Variants in VEGFA observed in about 807,000 individuals in gnomAD.
The protein encoded by VEGFA is vascular endothelial growth factor A, also known as vascular endothelial growth factor A, long form.
In VEGFA, 20 loss-of-function variants were observed where a neutral mutation model predicts 49.7. The observed-to-expected ratio is 0.40, with a 90% CI of 0.28 to 0.58. The LOEUF (loss-of-function observed/expected upper bound fraction) is 0.58, where lower values mean the gene tolerates loss of function less well. Among genes scored for constraint, VEGFA ranks in the 20% least tolerant of loss-of-function variants. The pLI is 0.40. For synonymous variants in VEGFA, 219 were observed against 223.4 expected (o/e 0.98, Z 0.18); for missense variants, 505 against 553.5 (o/e 0.91, Z 0.88).
intron 7 of VEGFA, chr6:43,782,992 G>A (rs2128055857): frequency 6.6e-6 from 1 of 152,280 alleles, no homozygotes; most frequent in East Asian, 1.9e-4. Context: ...GTAAGCCCGG[G>A]CCTCGTTTAC....
intron 1 of VEGFA, 108 bp from the exon 2 acceptor site, chr6:43,774,233 A>C (rs1009381022): frequency 1.6e-6 from 2 of 1,217,972 alleles, no homozygotes; most frequent in African/African-American, 1.5e-5. Flanking sequence ...TGGAGAAGCC[A>C]GAGGCTGTTG....
At chr6:43,771,384 G>T in intron 1 of VEGFA, 72 bp downstream of exon 1, 9 of 1,507,456 alleles carry the variant, frequency 6.0e-6, no homozygotes, top group Non-Finnish European at 8.0e-6. Flanking sequence ...GTGCGTGCGA[G>T]CGCGCGCGTG....
In VEGFA at chr6:43,777,951, GGA is replaced by G. The variant is rs941614686; in HGVS notation, c.855+292_855+293del. ...TCAGGAGCCCCTCTCTCCCTCTCTT[GGA>G]GAGAGTCCTGAGTGCCCCCCCTTCT... On this transcript the variant is annotated intron_variant, in intron 3 of 7. Transcript: ENST00000672860. The surrounding 1 kb of genome is among the most constrained non-coding windows in gnomAD (Gnocchi z 4.3). 3.9e-6 allele frequency: 2 copies of G among 519,054 alleles called. No homozygotes were observed. The highest frequency in any genetic ancestry group is 7.0e-6 in the Non-Finnish European group (2 of 287,390). 32.2% of individuals were successfully genotyped at this position (519,054 alleles called of 1,614,324 possible).
chr6:43,772,021 C>T, intron 1 of VEGFA: 1 of 985,356 alleles, frequency 1.0e-6, no homozygotes, highest in South Asian at 4.7e-5. Context: ...CCCGGAGCCT[C>T]GGCTGCCCGA....
rs551692177 is a variant in VEGFA, at chr6:43,784,859, G to A, written c.*297G>A. On this transcript the variant is annotated 3_prime_UTR_variant, in exon 8 of 8. Transcript: ENST00000672860. ...TTCTTGCTGCTAAATCACCGAGCCCGGAAGATTAGAGAGTTTTATTTCTGG... is the reference window on the plus strand; with the variant it reads ...TTCTTGCTGCTAAATCACCGAGCCCAGAAGATTAGAGAGTTTTATTTCTGG... The A allele has an allele frequency of 1.2e-3, 675 of 573,968 alleles. No individual in the cohort carries two copies. The highest frequency in any genetic ancestry group is 1.4e-3 in the Non-Finnish European group (464 of 320,648). 35.6% of individuals were successfully genotyped at this position (573,968 alleles called of 1,614,324 possible).
rs138551969 is a variant in VEGFA, at chr6:43,780,749, A to G, written c.980A>G (p.Lys327Arg). 17 of 1,613,920 alleles carry G rather than the reference A, an allele frequency of 1.1e-5. No homozygotes were observed. The African/African-American group carries it at 1.6e-4, about 15-fold the overall frequency. ...TTTTCCAGAAAATCAGTTCGAGGAA[A>G]GGGAAAGGGGCAAAAACGAAAGCGC... The change falls in exon 6 of 8, where the codon AAG (lysine) becomes AGG (arginine). Residue 327 changes from lysine (K) to arginine (R), a missense_variant. Lys to Arg is a conservative substitution (Grantham distance 26, BLOSUM62 2). Around this residue, in one of 2 missense-constraint regions of VEGFA, gnomAD observed 165 missense variants for 231.7 expected, o/e 0.71. Transcript: ENST00000672860.
At chr6:43,774,664 G>A (rs1561986049) in intron 2 of VEGFA, 3 of 554,242 alleles carry the variant, frequency 5.4e-6, no homozygotes, top group Non-Finnish European at 9.8e-6. Flanking sequence ...TGCGCACAGA[G>A]CAGGAAGACA....
At chr6:43,779,956 C>T (rs562426609) in intron 5 of VEGFA, 14 of 291,274 alleles carry the variant, frequency 4.8e-5, no homozygotes, top group African/African-American at 1.1e-4. Flanking sequence ...CGCCTGGGCT[C>T]GGAAGAGTGT....
chr6:43,779,848 C>T (rs1166905982), intron 5 of VEGFA: 3 of 394,742 alleles, frequency 7.6e-6, no homozygotes, highest in South Asian at 3.7e-5. Context: ...GCTTGGCAGG[C>T]ATGGAGAGCT....
chr6:43,780,170 G>A (rs1766960110), intron 5 of VEGFA: 1 of 212,748 alleles, frequency 4.7e-6, no homozygotes. Flanking sequence ...AGCTCCCAAG[G>A]TAGCCGCTTC....
chr6:43,772,250 C>G (rs1763865652), intron 1 of VEGFA: 1 of 183,372 alleles, frequency 5.5e-6, no homozygotes, highest in South Asian at 1.8e-4. Context: ...CCTGTCACCC[C>G]GCTTATTTTC....
intron 3 of VEGFA, 110 bp from the exon 4 acceptor site, chr6:43,778,350 C>A: frequency 1.1e-6 from 1 of 919,602 alleles, no homozygotes; most frequent in East Asian, 2.6e-5. Context: ...ACCACCCATC[C>A]CTGCTCTGCA....
At chr6:43,780,486 G>C in intron 5 of VEGFA, 1 of 551,268 alleles carries the variant, frequency 1.8e-6, no homozygotes. Context: ...GTCAGGGGCT[G>C]GGTTTGCCAT....
At position 43,780,113 on chromosome 6, in the gene VEGFA, A is replaced by G. The variant is rs540704944; in HGVS notation, c.963-619A>G. 5 of 205,834 alleles carry G rather than the reference A, an allele frequency of 2.4e-5. No individual in the cohort carries two copies. The East Asian group carries it at 3.7e-4, about 15-fold the overall frequency. 12.8% of individuals were successfully genotyped at this position (205,834 alleles called of 1,614,324 possible). On this transcript the variant is annotated intron_variant, in intron 5 of 7. Transcript: ENST00000672860. Reference sequence around the variant, plus strand: ...TCCAGGACACCCAGCCCTGCCTCCCAGTCCAGGTCGTGCTGAGCAGGCTGG... The same window carrying G: ...TCCAGGACACCCAGCCCTGCCTCCCGGTCCAGGTCGTGCTGAGCAGGCTGG...
At position 43,780,591 on chromosome 6, in the gene VEGFA, C is replaced by G. The variant is rs547671093; in HGVS notation, c.963-141C>G. ...CCCGCGCATGCCTCCCCAGAGACCA[C>G]CTGCCTCCTGACACTTCCTCCGGGA... is the stretch of plus-strand genomic sequence containing the variant. On this transcript the variant is annotated intron_variant, in intron 5 of 7. Coordinates refer to ENST00000672860, the MANE Select transcript of VEGFA (RefSeq NM_003376.6). 1,169 of 1,268,374 alleles carry G rather than the reference C, an allele frequency of 9.2e-4. 2 individuals carry two copies. The highest frequency in any genetic ancestry group is 1.2e-3 in the Non-Finnish European group (1,090 of 902,962). 78.6% of individuals were successfully genotyped at this position (1,268,374 alleles called of 1,614,324 possible).
chr6:43,777,979 T>G lies in VEGFA; in HGVS notation c.855+314T>G. 2 of 464,334 alleles carry G rather than the reference T, an allele frequency of 4.3e-6. No individual in the cohort carries two copies. Among genetic ancestry groups the G allele is most frequent in the Non-Finnish European group, 7.9e-6 (2 of 254,760 alleles). The allele number at this position is 464,334 out of a possible 1,614,324, so 28.8% of individuals were successfully genotyped here. On this transcript the variant is annotated intron_variant, in intron 3 of 7. Coordinates refer to ENST00000672860, the MANE Select transcript of VEGFA (RefSeq NM_003376.6). This position sits in a 1 kb window ranked among gnomAD's most constrained non-coding sequence, Gnocchi z 4.3. The stretch of plus-strand genomic sequence containing the variant: ...GAGAGTCCTGAGTGCCCCCCCTTCT[T>G]GGGGGCTTTGTTTGGGAAGCTGGAT...
At chr6:43,774,705 T>G in intron 2 of VEGFA, 1 of 498,524 alleles carries the variant, frequency 2.0e-6, no homozygotes, top group Non-Finnish European at 3.7e-6. Context: ...TTGGGGGAAG[T>G]GTCCCTTGTT....
rs1763248727 is a variant in VEGFA at position 43,770,597 on chromosome 6, G to A, written c.-110G>A. 2 of 1,423,204 alleles carry A rather than the reference G, an allele frequency of 1.4e-6. No homozygotes were observed. Among genetic ancestry groups the A allele is most frequent in the South Asian group, 1.5e-5 (1 of 68,150 alleles). 88.2% of individuals were successfully genotyped at this position (1,423,204 alleles called of 1,614,324 possible). On this transcript the variant is annotated 5_prime_UTR_variant, in exon 1 of 8. The change creates a new upstream start codon in the 5' untranslated region. Coordinates refer to ENST00000672860, the MANE Select transcript of VEGFA (RefSeq NM_003376.6). Reference sequence around the variant, plus strand: ...ACGGGGTCAGAGAGAGCGCGCGGGCGTGCGAGCAGCGAAAGCGACAGGGGC... The same window carrying A: ...ACGGGGTCAGAGAGAGCGCGCGGGCATGCGAGCAGCGAAAGCGACAGGGGC...
In VEGFA at chr6:43,770,360, G is replaced by C. The variant is rs568655808; in HGVS notation, c.-347G>C. 5.9e-5 allele frequency: 19 copies of C among 321,172 alleles called. No individual in the cohort carries two copies. The East Asian group carries it at 8.4e-4, about 14-fold the overall frequency. 19.9% of individuals were successfully genotyped at this position (321,172 alleles called of 1,614,324 possible). ...GCTGGAATTTGATATTCATTGATCC[G>C]GGTTTTATCCCTCTTCTTTTTTCTT... On this transcript the variant is annotated 5_prime_UTR_variant, in exon 1 of 8. Transcript: ENST00000672860.
Sources: gnomAD v4.1 joint callset for allele counts on GRCh38, gnomAD v4.1.1 for gene constraint, gnomAD v4.1.1 regional missense constraint, Gnocchi (gnomAD v3.1) non-coding constraint, MANE v1.5 for transcripts, NCBI Gene and HGNC (gene_info 2026-07-23, HGNC 2026-07-21) for gene names.